Variants in SPATA6 observed in about 807,000 individuals in gnomAD.
SPATA6 encodes the protein spermatogenesis-associated protein 6.
In SPATA6, 56 loss-of-function variants were observed where a neutral mutation model predicts 65.3. The observed-to-expected ratio is 0.86, with a 90% CI of 0.69 to 1.07. The LOEUF (loss-of-function observed/expected upper bound fraction) is 1.07, where lower values mean the gene tolerates loss of function less well. Among genes scored for constraint, SPATA6 ranks in the 50% least tolerant of loss-of-function variants. The pLI is 0.00. For synonymous variants in SPATA6, 199 were observed against 213.2 expected (o/e 0.93, Z 0.58); for missense variants, 590 against 594.8 (o/e 0.99, Z 0.08).
intron 8 of SPATA6, among the ~76,000 whole-genome samples, chr1:48,385,576 A>T (rs1649378258): frequency 6.6e-6 from 1 of 152,212 alleles, no homozygotes; most frequent in African/African-American, 2.4e-5. Flanking sequence ...TGAAAATAGC[A>T]GGAAATATCT....
At chr1:48,443,382 T>G (rs1655702924) in intron 3 of SPATA6, among the ~76,000 whole-genome samples, 1 of 152,166 alleles carries the variant, frequency 6.6e-6, no homozygotes, top group Admixed American at 6.5e-5. Context: ...GCCATACAAC[T>G]AATATCCCTA....
At chr1:48,453,944 T>C (rs762494537) in intron 1 of SPATA6, among the ~76,000 whole-genome samples, 48 of 149,282 alleles carry the variant, frequency 3.2e-4, no homozygotes, top group Admixed American at 1.5e-3. Context: ...GCTGCAGTTT[T>C]AGGGGGAAAA....
chr1:48,368,465 C>T (rs1203718807), intron 9 of SPATA6, among the ~76,000 whole-genome samples: 1 of 152,204 alleles, frequency 6.6e-6, no homozygotes, highest in Non-Finnish European at 1.5e-5. Flanking sequence ...TTCACATAGT[C>T]CCACATTTCT....
At position 48,403,838 on chromosome 1, in the gene SPATA6, A is replaced by G; in HGVS notation, c.450T>C (p.Thr150=). ...ATTTCCTTGAACTTATCAGACATTCAGTAATCACTGAAGTCGTAGAAAATT... is the reference window on the plus strand; with the variant it reads ...ATTTCCTTGAACTTATCAGACATTCGGTAATCACTGAAGTCGTAGAAAATT... The part of the protein sequence containing the change: ...RLEFSTTSVI[T]ECLISSRKCH... The change falls in exon 6 of 13, where the codon ACT becomes ACC. Residue 150 remains threonine, a synonymous_variant. Transcript: ENST00000371847. The G allele has an allele frequency of 6.2e-7, 1 of 1,610,662 alleles. No homozygotes were observed. Among genetic ancestry groups the G allele is most frequent in the Non-Finnish European group, 8.5e-7 (1 of 1,178,652 alleles).
chr1:48,461,738 T>A (rs1018598917), intron 1 of SPATA6, among the ~76,000 whole-genome samples: 10 of 152,212 alleles, frequency 6.6e-5, no homozygotes, highest in Admixed American at 5.9e-4. Flanking sequence ...ACTTTTACAC[T>A]GTTGGTGGGA....
intron 5 of SPATA6, among the ~76,000 whole-genome samples, chr1:48,407,205 G>T (rs1446221138): frequency 3.9e-5 from 6 of 152,160 alleles, no homozygotes; most frequent in Non-Finnish European, 7.3e-5. Flanking sequence ...CCTGTGTATA[G>T]ATTAGGAAAT....
intron 11 of SPATA6, among the ~76,000 whole-genome samples, chr1:48,334,663 C>T (rs1307721845): frequency 1.3e-5 from 2 of 152,054 alleles, no homozygotes; most frequent in Non-Finnish European, 1.5e-5. Context: ...AATGACAAAC[C>T]CACAGCTAAC....
intron 9 of SPATA6, among the ~76,000 whole-genome samples, chr1:48,380,034 G>A (rs1016301649): frequency 3.9e-5 from 6 of 152,110 alleles, no homozygotes; most frequent in African/African-American, 1.4e-4. Flanking sequence ...TGTACCATAA[G>A]TACATAAAAC....
intron 8 of SPATA6, among the ~76,000 whole-genome samples, chr1:48,388,660 A>G (rs891601794): frequency 1.3e-5 from 2 of 152,158 alleles, no homozygotes; most frequent in African/African-American, 4.8e-5. Flanking sequence ...AAAAAGAACC[A>G]AACAGAAATT....
intron 3 of SPATA6, among the ~76,000 whole-genome samples, chr1:48,428,321 G>A (rs1654032568): frequency 6.6e-6 from 1 of 152,172 alleles, no homozygotes; most frequent in Non-Finnish European, 1.5e-5. Context: ...GGGCGTGGTG[G>A]CACATGCCTG....
intron 11 of SPATA6, among the ~76,000 whole-genome samples, chr1:48,314,424 C>G (rs1645335491): frequency 6.6e-6 from 1 of 152,094 alleles, no homozygotes; most frequent in Non-Finnish European, 1.5e-5. Flanking sequence ...AACTGAACAA[C>G]CTGCTCCTGA....
chr1:48,317,080 G>A (rs1237091099), intron 11 of SPATA6, among the ~76,000 whole-genome samples: 1 of 152,170 alleles, frequency 6.6e-6, no homozygotes, highest in Non-Finnish European at 1.5e-5. Flanking sequence ...ACTGTTGGTG[G>A]GACTGTAAAC....
At chr1:48,294,545 C>G (rs1644788579), downstream of SPATA6, among the ~76,000 whole-genome samples, 1 of 152,070 alleles carries the variant, frequency 6.6e-6, no homozygotes, top group Non-Finnish European at 1.5e-5. Flanking sequence ...TTGTTTTTAT[C>G]TGACTTCATT....
At chr1:48,285,306 C>G in the SPATA6 span, among the ~76,000 whole-genome samples, 1 of 152,106 alleles carries the variant, frequency 6.6e-6, no homozygotes, top group African/African-American at 2.4e-5. Context: ...CCCAGGTTGA[C>G]TTCAGACTGC....
At chr1:48,358,558 C>T (rs1035759686) in intron 10 of SPATA6, among the ~76,000 whole-genome samples, 5 of 152,028 alleles carry the variant, frequency 3.3e-5, no homozygotes, top group African/African-American at 1.2e-4. Context: ...ACCAACTGTA[C>T]GTCTAAACAG....
intron 1 of SPATA6, among the ~76,000 whole-genome samples, chr1:48,458,125 T>TA (rs1019273301): frequency 8.1e-5 from 12 of 147,546 alleles, no homozygotes; most frequent in African/African-American, 2.5e-4. Context: ...AACTACAGCT[T>TA]AAAAAAAAGA....
chr1:48,388,306 C>A (rs550329621), intron 8 of SPATA6, among the ~76,000 whole-genome samples: 1 of 151,652 alleles, frequency 6.6e-6, no homozygotes, highest in South Asian at 2.1e-4. Flanking sequence ...GTGCCCTACC[C>A]AACCAGTAAT....
At chr1:48,338,174 T>C (rs1184553950) in intron 11 of SPATA6, among the ~76,000 whole-genome samples, 3 of 151,756 alleles carry the variant, frequency 2.0e-5, no homozygotes, top group Non-Finnish European at 4.4e-5. Context: ...ACAATTGCAA[T>C]GGAAGAGAAC....
intron 3 of SPATA6, among the ~76,000 whole-genome samples, chr1:48,432,131 A>T (rs1361680347): frequency 6.6e-6 from 1 of 151,670 alleles, no homozygotes; most frequent in Non-Finnish European, 1.5e-5. Context: ...AATAAATAAT[A>T]AAAAAGACCT....
Sources: allele counts gnomAD v4.1 joint callset (sites outside exome capture counted in the v4.1 genomes callset), GRCh38; gene constraint gnomAD v4.1.1; transcripts MANE v1.5; gene names NCBI Gene and HGNC (gene_info 2026-07-23, HGNC 2026-07-21).